Variants in PCLO observed in about 807,000 individuals in gnomAD.
PCLO encodes protein piccolo.
In PCLO, 82 loss-of-function variants were observed where a neutral mutation model predicts 427.5. The observed-to-expected ratio is 0.19, with a 90% CI of 0.16 to 0.23. The LOEUF (loss-of-function observed/expected upper bound fraction) is 0.23, where lower values mean the gene tolerates loss of function less well. Ranked by LOEUF, PCLO falls within the 10% of genes least tolerant of loss-of-function variation. The probability of loss-of-function intolerance (pLI) is 1.00; values close to 1 mark genes in which losing one functional copy is unlikely to be tolerated. For synonymous variants in PCLO, 2,357 were observed against 2,155.4 expected, an observed-to-expected ratio of 1.09 and a Z score of -2.59; for missense variants, 6,239 against 6,115.9, an observed-to-expected ratio of 1.02 and a Z score of -0.67.
At position 82,866,318 on chromosome 7, in the gene PCLO, CT is replaced by C. The variant is rs575119437; in HGVS notation, c.13654+13018del. ...TTTTCTCCTTAGCGTTTATTATCGTCTAATATATGATACTTAATATATTATA... is the reference window on the plus strand; with the variant it reads ...TTTTCTCCTTAGCGTTTATTATCGTCAATATATGATACTTAATATATTATA... On this transcript the variant is annotated intron_variant, in intron 10 of 24. Coordinates refer to ENST00000333891, the MANE Select transcript of PCLO (RefSeq NM_033026.6). 4.9e-3 allele frequency among the ~76,000 whole-genome samples: 739 copies of C among 151,876 alleles called. 2 individuals are homozygous for C. Among genetic ancestry groups the C allele is most frequent in the Middle Eastern group, 0.014 (4 of 292 alleles).
Position 82,953,298 on chromosome 7 carries a change from T to A in PCLO, c.7655A>T (p.Tyr2552Phe), listed in dbSNP as rs758019863. 6.2e-7 allele frequency: 1 copy of A among 1,613,718 alleles called. No individual in the cohort carries two copies. The highest frequency in any genetic ancestry group is 8.5e-7 in the Non-Finnish European group (1 of 1,179,826). Residue 2552 changes from tyrosine to phenylalanine, a missense_variant, in exon 5 of 25, where the codon TAT becomes TTT. By Grantham distance (22) the Tyr-to-Phe change is conservative. This residue lies in a region of PCLO where 4,677 missense variants were observed against 4,468.4 expected (regional missense o/e 1.05). Transcript: ENST00000333891. ...TGGGGAGGTAGGGGAAGGCAATTTA[T>A]AATCTGCTGAAGTCACTAAATTTAA... ...MTLNLVTSAD[Y>F]KLPSPTSPLS...
At chr7:82,999,995 C>A (rs1787775822) in intron 3 of PCLO, among the ~76,000 whole-genome samples, 1 of 144,676 alleles carries the variant, frequency 6.9e-6, no homozygotes, top group African/African-American at 2.5e-5. Context: ...GACACTGAAC[C>A]ACAGATCCAG....
At chr7:82,948,490 C>A (rs1795255063) in intron 6 of PCLO, among the ~76,000 whole-genome samples, 1 of 152,054 alleles carries the variant, frequency 6.6e-6, no homozygotes, top group South Asian at 2.1e-4. Flanking sequence ...CTCAGAAAAA[C>A]CTACTTAGAA....
chr7:83,085,297 T>C (rs1206327279), intron 3 of PCLO, among the ~76,000 whole-genome samples: 2 of 152,186 alleles, frequency 1.3e-5, no homozygotes, highest in African/African-American at 4.8e-5. Flanking sequence ...TTATCTAGTA[T>C]TTACTATGCA....
At chr7:82,999,334 TCC>T (rs577604752) in intron 3 of PCLO, among the ~76,000 whole-genome samples, 2,135 of 137,560 alleles carry the variant, frequency 0.016, 67 homozygotes, top group African/African-American at 0.056. Flanking sequence ...AATAAATATA[TCC>T]ATATATATTT....
rs867522144 is a variant in PCLO at position 83,012,247 on chromosome 7, G to A, written c.3301-45760C>T. 2.0e-5 allele frequency among the ~76,000 whole-genome samples: 3 copies of A among 152,178 alleles called. No individual in the cohort carries two copies. In the South Asian group the frequency reaches 6.2e-4, roughly 32 times the overall value. ...ACTGCAGAATACGCATCTTTCATCT[G>A]GGGGAAGTTACTACTGAGTTCCTAT... is the stretch of plus-strand genomic sequence containing the variant. On this transcript the variant is annotated intron_variant, in intron 3 of 24. Transcript: ENST00000333891.
chr7:82,762,463 ACATGGCT>A, intron 22 of PCLO, among the ~76,000 whole-genome samples: 1 of 152,200 alleles, frequency 6.6e-6, no homozygotes, highest in Admixed American at 6.6e-5. Flanking sequence ...AGGTCTTTAA[ACATGGCT>A]GTAGATAATT....
At chr7:83,099,843 GCT>G in intron 3 of PCLO, among the ~76,000 whole-genome samples, 1 of 117,702 alleles carries the variant, frequency 8.5e-6, no homozygotes, top group African/African-American at 3.2e-5. Flanking sequence ...TTCTTCTGCT[GCT>G]GTTGTCGTTA....
At chr7:82,783,902 T>TTA (rs143796592) in intron 22 of PCLO, among the ~76,000 whole-genome samples, 3,162 of 150,944 alleles carry the variant, frequency 0.021, 107 homozygotes, top group African/African-American at 0.072. Context: ...GTTATTTTAA[T>TTA]TATATATAAT....
intron 3 of PCLO, among the ~76,000 whole-genome samples, chr7:83,016,614 T>C (rs1454626843): frequency 6.6e-6 from 1 of 152,080 alleles, no homozygotes; most frequent in Non-Finnish European, 1.5e-5. Context: ...AGGTCTACTA[T>C]AGAGAGCCCT....
intron 22 of PCLO, among the ~76,000 whole-genome samples, chr7:82,785,075 T>C (rs1790957357): frequency 6.6e-6 from 1 of 152,220 alleles, no homozygotes; most frequent in Admixed American, 6.5e-5. Flanking sequence ...CATTTTTTCC[T>C]TTAGCATCAC....
At chr7:83,015,679 C>T (rs1284640379) in intron 3 of PCLO, among the ~76,000 whole-genome samples, 1 of 152,014 alleles carries the variant, frequency 6.6e-6, no homozygotes, top group Non-Finnish European at 1.5e-5. Flanking sequence ...ATGTATTATC[C>T]TTAAATAAAC....
intron 11 of PCLO, 148 bp downstream of exon 11, chr7:82,846,991 A>C: frequency 1.7e-6 from 1 of 583,390 alleles, no homozygotes; most frequent in Non-Finnish European, 3.0e-6. Flanking sequence ...AGTTAGCTGA[A>C]TTCTTTCTAT....
At chr7:82,868,091 A>G in intron 10 of PCLO, 1 of 456,118 alleles carries the variant, frequency 2.2e-6, no homozygotes, top group South Asian at 1.5e-5. Flanking sequence ...ATCTCATGCT[A>G]ATGACCAATC....
chr7:82,956,291 G>A lies in PCLO; in HGVS notation c.4662C>T (p.Asp1554=). ...TTTCTATGATTTGTTTTCGAATGAA[G>A]TCCTCCTCTTCCCCTGATCCTTGGC... ...EDSQGSGEEE[D]FIRKQIIEMS... Residue 1554 remains aspartate (D), a synonymous_variant, in exon 5 of 25, where the codon GAC becomes GAT. Transcript: ENST00000333891. The A allele has an allele frequency of 6.2e-7, 1 of 1,612,680 alleles. No individual in the cohort carries two copies. Among genetic ancestry groups the A allele is most frequent in the Non-Finnish European group, 8.5e-7 (1 of 1,179,870 alleles).
intron 16 of PCLO, among the ~76,000 whole-genome samples, chr7:82,829,585 A>G (rs977536099): frequency 5.9e-5 from 9 of 152,160 alleles, no homozygotes; most frequent in African/African-American, 2.2e-4. Flanking sequence ...ATTACAAAGA[A>G]TTTTAGGGAA....
Position 82,952,011 on chromosome 7 carries a change from G to A in PCLO, c.8942C>T (p.Pro2981Leu), listed in dbSNP as rs1795362737. Residue 2981 changes from proline to leucine, a missense_variant, in exon 5 of 25, where the codon CCA (proline) becomes CTA (leucine). Coordinates refer to ENST00000333891, the MANE Select transcript of PCLO (RefSeq NM_033026.6). Reference protein sequence around the residue: ...DDHYQYDRSGPYGYRGIGGMK... With the variant: ...DDHYQYDRSGLYGYRGIGGMK... ...TCCCCCAATCCCTCTATAACCATATGGCCCTGATCGATCATACTGATAGTG... is the reference window on the plus strand; with the variant it reads ...TCCCCCAATCCCTCTATAACCATATAGCCCTGATCGATCATACTGATAGTG... 4 of 1,613,724 alleles carry A rather than the reference G, an allele frequency of 2.5e-6. No individual in the cohort carries two copies. The highest frequency in any genetic ancestry group is 2.2e-5 in the East Asian group (1 of 44,880).
chr7:83,060,139 T>C (rs1049069900), intron 3 of PCLO, among the ~76,000 whole-genome samples: 1 of 152,168 alleles, frequency 6.6e-6, no homozygotes, highest in Non-Finnish European at 1.5e-5. Flanking sequence ...AGGTAACAAA[T>C]GTCCCCTTCA....
In PCLO at chr7:82,794,459, C is replaced by CTTTTTTTTTTTTTTTTTTTTTTTTTT. The variant is rs778108792; in HGVS notation, c.15007+7033_15007+7058dup. ...ACATGCTAGTTCATAAATTTTTTTT[C>CTTTTTTTTTTTTTTTTTTTTTTTTTT]TTTTTTTTTTTTTTTTTTTTTTTTT... On this transcript the variant is annotated intron_variant, in intron 22 of 24. Coordinates refer to ENST00000333891, the MANE Select transcript of PCLO (RefSeq NM_033026.6). 9.0e-4 allele frequency among the ~76,000 whole-genome samples: 51 copies of CTTTTTTTTTTTTTTTTTTTTTTTTTT among 56,368 alleles called. 14 individuals are homozygous for CTTTTTTTTTTTTTTTTTTTTTTTTTT. The highest frequency in any genetic ancestry group is 1.6e-3 in the Non-Finnish European group (40 of 24,446). 37.0% of individuals were successfully genotyped at this position (56,368 alleles called of 152,430 possible). A position where few individuals can be genotyped will look rare whatever the true frequency, so the allele number is the denominator to read the frequency against.
Sources: allele counts gnomAD v4.1 joint callset (sites outside exome capture counted in the v4.1 genomes callset), GRCh38; gene constraint gnomAD v4.1.1; regional missense constraint gnomAD v4.1.1; transcripts MANE v1.5; gene names NCBI Gene and HGNC (gene_info 2026-07-23, HGNC 2026-07-21).